The following TPX2 variants were observed in gnomAD, a reference collection of about 807,000 sequenced individuals.
TPX2 encodes the protein TPX2 microtubule nucleation factor.
TPX2 carries 21 observed loss-of-function variants against 93.6 expected under a neutral mutation model. That is an observed-to-expected ratio of 0.22 (90% CI 0.16 to 0.32). TPX2 has a LOEUF of 0.32. TPX2 is among the 10% of genes least tolerant of loss of function. The pLI is 1.00. For synonymous variants in TPX2, 281 were observed against 298.3 expected, an observed-to-expected ratio of 0.94 and a Z score of 0.60; for missense variants, 776 against 871.1, an observed-to-expected ratio of 0.89 and a Z score of 1.37.
chr20:31,794,646 A>G (rs1012607781), intron 15 of TPX2, 98 bp downstream of exon 15: 4 of 1,446,946 alleles, frequency 2.8e-6, no homozygotes, highest in African/African-American at 2.8e-5. Flanking sequence ...AACATGCTAC[A>G]TTGTTTCAGG....
At chr20:31,757,023 A>G (rs754007225) in intron 2 of TPX2, among the ~76,000 whole-genome samples, 6 of 152,164 alleles carry the variant, frequency 3.9e-5, no homozygotes, top group Admixed American at 6.6e-5. Context: ...GATAGGGTCA[A>G]CTACTTACAG....
chr20:31,778,770 C>T (rs759752211), intron 9 of TPX2, 43 bp from the exon 10 acceptor site: 1 of 1,509,988 alleles, frequency 6.6e-7, no homozygotes, highest in Non-Finnish European at 8.8e-7. Flanking sequence ...GATGTGAGCT[C>T]TTCCGTGACA....
intron 2 of TPX2, among the ~76,000 whole-genome samples, chr20:31,742,989 C>T (rs1444859384): frequency 6.6e-6 from 1 of 151,918 alleles, no homozygotes; most frequent in Non-Finnish European, 1.5e-5. Context: ...CTGAGGCAGG[C>T]GGATCACCTG....
intron 3 of TPX2, among the ~76,000 whole-genome samples, chr20:31,758,824 C>G (rs561136414): frequency 6.6e-6 from 1 of 152,082 alleles, no homozygotes. Context: ...TTCCCCATGC[C>G]CTTGCTTCAC....
chr20:31,745,580 G>T (rs1053260911), intron 2 of TPX2, among the ~76,000 whole-genome samples: 2 of 152,040 alleles, frequency 1.3e-5, no homozygotes, highest in Non-Finnish European at 2.9e-5. Flanking sequence ...CACCTGCCTT[G>T]GCCTCCCAGA....
intron 4 of TPX2, among the ~76,000 whole-genome samples, chr20:31,764,016 C>T (rs1454664206): frequency 2.0e-5 from 3 of 151,422 alleles, no homozygotes; most frequent in African/African-American, 7.3e-5. Flanking sequence ...AAGACTCCAT[C>T]TCAAAAACAA....
intron 2 of TPX2, among the ~76,000 whole-genome samples, chr20:31,744,834 C>A (rs1263514859): frequency 6.6e-6 from 1 of 152,108 alleles, no homozygotes; most frequent in East Asian, 1.9e-4. Context: ...GCCTGTAATC[C>A]CAGCACTCTG....
chr20:31,752,755 G>C (rs2061827407), intron 2 of TPX2, among the ~76,000 whole-genome samples: 1 of 152,042 alleles, frequency 6.6e-6, no homozygotes, highest in African/African-American at 2.4e-5. Flanking sequence ...TAGGACTATA[G>C]GTGACCGCCA....
chr20:31,782,334 T>G lies in TPX2; in HGVS notation c.1140T>G (p.Ala380=). 1.2e-6 allele frequency: 2 copies of G among 1,613,686 alleles called. No individual in the cohort carries two copies. Among genetic ancestry groups the G allele is most frequent in the Non-Finnish European group, 1.7e-6 (2 of 1,179,846 alleles). The part of the protein sequence containing the change: ...PVLQTKHRAR[A]VTCKSTAELE... The stretch of plus-strand genomic sequence containing the variant: ...TGCAAACCAAACACCGTGCACGGGC[T>G]GTGACCTGCAAAAGTACAGCAGAGC... Residue 380 remains alanine (A), a synonymous_variant, in exon 11 of 18, where the codon GCT becomes GCG. Transcript: ENST00000300403.
intron 15 of TPX2, 50 bp from the exon 16 acceptor site, chr20:31,797,354 G>T: frequency 6.5e-7 from 1 of 1,539,692 alleles, no homozygotes; most frequent in Non-Finnish European, 9.0e-7. Flanking sequence ...TGAGGTAGTG[G>T]TCATAGAAAG....
Position 31,782,351 on chromosome 20 carries a change from C to T in TPX2, c.1157C>T (p.Thr386Ile), listed in dbSNP as rs2123057253. 2.5e-6 allele frequency: 4 copies of T among 1,613,368 alleles called. No individual in the cohort carries two copies. The highest frequency in any genetic ancestry group is 2.5e-6 in the Non-Finnish European group (3 of 1,179,690). ...HRARAVTCKS[T>I]AELEAEELEK... is the part of the protein sequence containing the mutation. ...GCACGGGCTGTGACCTGCAAAAGTA[C>T]AGCAGAGCTGGAGGCTGAGGAGCTC... The change falls in exon 11 of 18, where the codon ACA becomes ATA. Residue 386 changes from threonine to isoleucine, a missense_variant. Physicochemically the swap from Thr to Ile is moderately conservative, Grantham distance 89. This residue lies in a region of TPX2 where 461 missense variants were observed against 551.2 expected (regional missense o/e 0.84). Coordinates refer to ENST00000300403, the MANE Select transcript of TPX2 (RefSeq NM_012112.5).
intron 2 of TPX2, among the ~76,000 whole-genome samples, chr20:31,744,687 T>C (rs746566089): frequency 7.9e-5 from 12 of 152,140 alleles, no homozygotes; most frequent in African/African-American, 1.7e-4. Context: ...TGCATGCCAC[T>C]GTACCTGGCC....
chr20:31,751,641 A>G (rs1159233099), intron 2 of TPX2, among the ~76,000 whole-genome samples: 1 of 152,216 alleles, frequency 6.6e-6, no homozygotes, highest in African/African-American at 2.4e-5. Flanking sequence ...CTATTGTCAT[A>G]TACATGTGGT....
At chr20:31,794,673 C>T (rs2062124236) in intron 15 of TPX2, 125 bp downstream of exon 15, 8 of 1,207,360 alleles carry the variant, frequency 6.6e-6, no homozygotes, top group Middle Eastern at 5.6e-4. Flanking sequence ...CACTGTAAAT[C>T]AGGGGTCAGC....
chr20:31,792,973 CA>C, intron 13 of TPX2, 143 bp downstream of exon 13: 1 of 720,466 alleles, frequency 1.4e-6, no homozygotes, highest in Non-Finnish European at 2.3e-6. Flanking sequence ...AACATTTGTT[CA>C]TTTTTTTTGT....
At chr20:31,777,215 G>A (rs1304956675) in intron 8 of TPX2, among the ~76,000 whole-genome samples, 1 of 152,114 alleles carries the variant, frequency 6.6e-6, no homozygotes, top group Non-Finnish European at 1.5e-5. Flanking sequence ...CCATAGCTAT[G>A]ACCACACCTA....
At chr20:31,789,387 A>G (rs549287321) in intron 12 of TPX2, among the ~76,000 whole-genome samples, 37 of 152,324 alleles carry the variant, frequency 2.4e-4, no homozygotes, top group Admixed American at 5.9e-4. Flanking sequence ...GACACTAGGA[A>G]TTCAAAGATG....
intron 7 of TPX2, among the ~76,000 whole-genome samples, chr20:31,774,886 C>T (rs1481553457): frequency 6.6e-6 from 1 of 152,142 alleles, no homozygotes; most frequent in Non-Finnish European, 1.5e-5. Context: ...ATTACAAGGG[C>T]ATGCCATTGC....
intron 12 of TPX2, among the ~76,000 whole-genome samples, chr20:31,791,152 G>A (rs773609485): frequency 2.4e-4 from 37 of 152,182 alleles, no homozygotes; most frequent in Admixed American, 7.2e-4. Flanking sequence ...AGTCAGGAGG[G>A]TACCAGATTA....
Sources: allele counts gnomAD v4.1 joint callset (sites outside exome capture counted in the v4.1 genomes callset), GRCh38; gene constraint gnomAD v4.1.1; regional missense constraint gnomAD v4.1.1; transcripts MANE v1.5; gene names NCBI Gene and HGNC (gene_info 2026-07-23, HGNC 2026-07-21).